The following SPOCK1 variants were observed in gnomAD, a reference collection of about 807,000 sequenced individuals.
SPOCK1 encodes SPARC (osteonectin), cwcv and kazal like domains proteoglycan 1.
A neutral mutation model predicts 55.3 loss-of-function variants in SPOCK1; 23 were observed. The ratio of observed to expected loss-of-function variants is 0.42; its 90% CI spans 0.30 to 0.59. The LOEUF (loss-of-function observed/expected upper bound fraction) is 0.59. Ranked by LOEUF, SPOCK1 falls within the 20% of genes least tolerant of loss-of-function variation. SPOCK1 has a pLI of 0.22. For missense variants in SPOCK1, 499 were observed against 552.5 expected (o/e 0.90, Z 0.97); for synonymous variants, 226 against 221.0 (o/e 1.02, Z -0.20).
chr5:137,034,439 T>C (rs1318993426), intron 6 of SPOCK1, among the ~76,000 whole-genome samples: 1 of 152,200 alleles, frequency 6.6e-6, no homozygotes. Context: ...TGTAAATCCC[T>C]ACAGGCAGCT....
At chr5:137,407,917 G>A (rs2127187396) in intron 2 of SPOCK1, among the ~76,000 whole-genome samples, 1 of 152,262 alleles carries the variant, frequency 6.6e-6, no homozygotes, top group Non-Finnish European at 1.5e-5. Flanking sequence ...GGGCCCTGCA[G>A]GGTCTATGCT....
rs1750657106 is a variant in SPOCK1, at chr5:136,978,372, G to GA, written c.*281dup. The stretch of plus-strand genomic sequence containing the variant: ...TTCCACGTAAATCACATGCTTGTTG[G>GA]AAAAATCTCACAGAAAGGAAGGAGG... On this transcript the variant is annotated 3_prime_UTR_variant, in exon 11 of 11. Coordinates refer to ENST00000394945, the MANE Select transcript of SPOCK1 (RefSeq NM_004598.4). The GA allele has an allele frequency of 1.1e-5, 4 of 372,966 alleles. No individual in the cohort carries two copies. Among genetic ancestry groups the GA allele is most frequent in the Non-Finnish European group, 1.9e-5 (4 of 210,348 alleles). The allele number at this position is 372,966 out of a possible 1,614,324, so 23.1% of individuals were successfully genotyped here.
chr5:137,029,100 T>C (rs994665614), intron 6 of SPOCK1, among the ~76,000 whole-genome samples: 21 of 152,190 alleles, frequency 1.4e-4, no homozygotes, highest in African/African-American at 4.3e-4. Flanking sequence ...CAGAGAGCCA[T>C]ACCCAGAGAG....
At chr5:137,008,844 CAA>C (rs1173176819) in intron 6 of SPOCK1, among the ~76,000 whole-genome samples, 3 of 151,938 alleles carry the variant, frequency 2.0e-5, no homozygotes, top group Non-Finnish European at 4.4e-5. Flanking sequence ...CAACTATGAT[CAA>C]GTGTCAGGAG....
intron 3 of SPOCK1, among the ~76,000 whole-genome samples, chr5:137,265,428 CA>C (rs1367817395): frequency 1.3e-5 from 2 of 152,132 alleles, no homozygotes; most frequent in African/African-American, 4.8e-5. Flanking sequence ...CCTTTGCAAG[CA>C]AAAGCCTGGT....
chr5:137,428,513 T>G (rs1752680711), intron 2 of SPOCK1, among the ~76,000 whole-genome samples: 1 of 152,242 alleles, frequency 6.6e-6, no homozygotes, highest in African/African-American at 2.4e-5. Flanking sequence ...TAACTTCCTT[T>G]CACTGTTTGT....
chr5:137,417,708 A>C (rs1169908715), intron 2 of SPOCK1, among the ~76,000 whole-genome samples: 1 of 152,180 alleles, frequency 6.6e-6, no homozygotes, highest in Non-Finnish European at 1.5e-5. Flanking sequence ...TCTTATGCAT[A>C]TCTCAAAAAT....
chr5:137,183,516 T>C (rs1755008651), intron 3 of SPOCK1, among the ~76,000 whole-genome samples: 1 of 152,170 alleles, frequency 6.6e-6, no homozygotes, highest in Non-Finnish European at 1.5e-5. Flanking sequence ...AAATATTGAT[T>C]CCTATATCTC....
At chr5:137,052,539 C>T (rs1471310545) in intron 6 of SPOCK1, among the ~76,000 whole-genome samples, 1 of 152,076 alleles carries the variant, frequency 6.6e-6, no homozygotes, top group Admixed American at 6.5e-5. Flanking sequence ...AAAAATGCAT[C>T]CTATGAAAAT....
At chr5:137,112,584 T>C (rs1441414034) in intron 4 of SPOCK1, 23 bp from the exon 5 acceptor site, 1 of 1,609,772 alleles carries the variant, frequency 6.2e-7, no homozygotes, top group Non-Finnish European at 8.5e-7. Context: ...AAAAAGGGGA[T>C]AAATTAGTTG....
rs537053078 is a variant in SPOCK1, at chr5:137,266,168, G to A, written c.232+842C>T. On this transcript the variant is annotated intron_variant, in intron 3 of 10. Transcript: ENST00000394945. Reference sequence around the variant, plus strand: ...GCCTCCCTCGATTTCTTCGTATCAAGTTGACCATCATGATCACATCGAATA... The same window carrying A: ...GCCTCCCTCGATTTCTTCGTATCAAATTGACCATCATGATCACATCGAATA... Among the ~76,000 whole-genome samples, 15 of 152,324 alleles carry A rather than the reference G, an allele frequency of 9.8e-5. No homozygotes were observed. The South Asian group carries it at 2.3e-3, about 23-fold the overall frequency.
At chr5:137,069,305 A>G (rs1752565610) in intron 5 of SPOCK1, among the ~76,000 whole-genome samples, 1 of 152,226 alleles carries the variant, frequency 6.6e-6, no homozygotes, top group Non-Finnish European at 1.5e-5. Context: ...GAGCAAACCT[A>G]CAGAATGCTG....
chr5:137,125,819 C>CAG (rs1009486040), intron 4 of SPOCK1, among the ~76,000 whole-genome samples: 5 of 152,144 alleles, frequency 3.3e-5, no homozygotes, highest in African/African-American at 1.2e-4. Context: ...GGGCAATGGA[C>CAG]AGAGGCTGGA....
intron 2 of SPOCK1, among the ~76,000 whole-genome samples, chr5:137,336,972 C>A (rs1371041166): frequency 6.6e-6 from 1 of 152,164 alleles, no homozygotes; most frequent in Non-Finnish European, 1.5e-5. Context: ...CAGTGGAGGT[C>A]AGAATGAGAG....
intron 3 of SPOCK1, among the ~76,000 whole-genome samples, chr5:137,226,600 G>A (rs1204873034): frequency 2.0e-5 from 3 of 152,154 alleles, no homozygotes; most frequent in Non-Finnish European, 4.4e-5. Flanking sequence ...AGGCCCATAT[G>A]ACCAGACTTT....
intron 2 of SPOCK1, among the ~76,000 whole-genome samples, chr5:137,269,850 C>A (rs952540475): frequency 3.9e-5 from 6 of 152,162 alleles, no homozygotes; most frequent in Non-Finnish European, 7.4e-5. Context: ...TGAACCAACA[C>A]CCTACCAATA....
intron 3 of SPOCK1, among the ~76,000 whole-genome samples, chr5:137,185,167 A>G (rs912233122): frequency 1.3e-5 from 2 of 152,200 alleles, no homozygotes; most frequent in African/African-American, 4.8e-5. Context: ...GGGGGAGGGA[A>G]GAAGAGTTGG....
intron 3 of SPOCK1, among the ~76,000 whole-genome samples, chr5:137,221,095 TA>T (rs778647843): frequency 6.6e-6 from 1 of 152,202 alleles, no homozygotes; most frequent in Non-Finnish European, 1.5e-5. Flanking sequence ...AATATCTATG[TA>T]GAAACATAAA....
intron 2 of SPOCK1, among the ~76,000 whole-genome samples, chr5:137,359,524 C>A (rs780056152): frequency 1.2e-4 from 19 of 152,188 alleles, no homozygotes; most frequent in Admixed American, 3.9e-4. Flanking sequence ...AGTAGGTTAG[C>A]ACATGTGCTC....
Sources: gnomAD v4.1 joint callset for allele counts (sites outside exome capture counted in the v4.1 genomes callset) on GRCh38, gnomAD v4.1.1 for gene constraint, MANE v1.5 for transcripts, NCBI Gene and HGNC (gene_info 2026-07-23, HGNC 2026-07-21) for gene names.